Variants in SV2C observed in about 807,000 individuals in gnomAD.
SV2C encodes the protein solute carrier family 22 member B3.
Under a neutral mutation model 79.7 loss-of-function variants are expected in SV2C, and 49 were observed. The ratio of observed to expected loss-of-function variants is 0.61; its 90% CI spans 0.49 to 0.78. The LOEUF is 0.78. SV2C is among the 30% of genes least tolerant of loss of function. SV2C has a pLI of 0.00. For missense variants in SV2C, 833 were observed against 912.9 expected, an observed-to-expected ratio of 0.91 and a Z score of 1.13; for synonymous variants, 334 against 333.2, an observed-to-expected ratio of 1.00 and a Z score of -0.03.
At chr5:76,350,094 T>C (rs1161499996) in intron 12 of SV2C, among the ~76,000 whole-genome samples, 1 of 152,218 alleles carries the variant, frequency 6.6e-6, no homozygotes, top group Non-Finnish European at 1.5e-5. Flanking sequence ...TGAGCTATTT[T>C]GTGCACTGTA....
chr5:76,159,655 C>T (rs1354640157), intron 2 of SV2C, among the ~76,000 whole-genome samples: 1 of 152,100 alleles, frequency 6.6e-6, no homozygotes, highest in Non-Finnish European at 1.5e-5. Context: ...CCAGGGTCTG[C>T]CTCCATCATC....
At chr5:76,217,188 C>T (rs997277667) in intron 4 of SV2C, among the ~76,000 whole-genome samples, 2 of 152,156 alleles carry the variant, frequency 1.3e-5, no homozygotes, top group Non-Finnish European at 2.9e-5. Flanking sequence ...CTCCCATAAA[C>T]GTCAGACTTA....
At chr5:76,301,586 C>T (rs1464867028) in intron 12 of SV2C, 41 bp downstream of exon 12, 2 of 1,575,472 alleles carry the variant, frequency 1.3e-6, no homozygotes, top group Admixed American at 1.8e-5. Flanking sequence ...ACTCTAAGCC[C>T]TGTGAGACCA....
At chr5:75,882,800 AC>A in the SV2C span, among the ~76,000 whole-genome samples, 1 of 149,076 alleles carries the variant, frequency 6.7e-6, no homozygotes, top group African/African-American at 2.6e-5. Flanking sequence ...AAAAAAAAAA[AC>A]TCCAAAAGCA....
chr5:76,264,399 G>C (rs934993077), intron 4 of SV2C, among the ~76,000 whole-genome samples: 5 of 152,020 alleles, frequency 3.3e-5, no homozygotes, highest in Admixed American at 2.6e-4. Context: ...GCTCAGAGGA[G>C]TTTGTTATTA....
At chr5:76,086,125 C>T (rs1309518451) in intron 1 of SV2C, among the ~76,000 whole-genome samples, 1 of 152,186 alleles carries the variant, frequency 6.6e-6, no homozygotes, top group Non-Finnish European at 1.5e-5. Context: ...GAGCAGCAGA[C>T]TGGCCTAACA....
the SV2C span, among the ~76,000 whole-genome samples, chr5:75,913,669 G>C: frequency 6.6e-6 from 1 of 152,218 alleles, no homozygotes; most frequent in Non-Finnish European, 1.5e-5. Context: ...TTGGCTCCCA[G>C]AGTGCAGGTT....
the SV2C span, among the ~76,000 whole-genome samples, chr5:76,035,917 A>C: frequency 5.3e-5 from 8 of 151,948 alleles, no homozygotes; most frequent in Non-Finnish European, 1.0e-4. Flanking sequence ...TTGCTTTATG[A>C]ATCTGGGTGC....
intron 1 of SV2C, among the ~76,000 whole-genome samples, chr5:76,093,769 C>G (rs895846183): frequency 1.3e-5 from 2 of 151,534 alleles, no homozygotes; most frequent in Non-Finnish European, 2.9e-5. Flanking sequence ...TATCACAAGG[C>G]CAAGAAACTC....
chr5:76,337,533 C>T (rs1334997301), downstream of SV2C, among the ~76,000 whole-genome samples: 1 of 152,126 alleles, frequency 6.6e-6, no homozygotes, highest in African/African-American at 2.4e-5. Context: ...TGTATGTATA[C>T]TGTATACTGT....
At chr5:76,002,213 G>T in the SV2C span, among the ~76,000 whole-genome samples, 1 of 151,864 alleles carries the variant, frequency 6.6e-6, no homozygotes, top group Admixed American at 6.6e-5. Context: ...TGCATTCGTT[G>T]GTTGACGGGC....
chr5:75,993,354 C>T, the SV2C span, among the ~76,000 whole-genome samples: 11 of 152,030 alleles, frequency 7.2e-5, no homozygotes, highest in African/African-American at 2.2e-4. Flanking sequence ...TATGATCTCA[C>T]GCTACTATGC....
the SV2C span, among the ~76,000 whole-genome samples, chr5:75,954,660 A>C: frequency 6.7e-6 from 1 of 150,250 alleles, no homozygotes; most frequent in Non-Finnish European, 1.5e-5. Context: ...GTCTCAGCCC[A>C]AAATCTCCTT....
the SV2C span, among the ~76,000 whole-genome samples, chr5:75,984,594 T>TCTATCTAC: frequency 2.4e-5 from 2 of 81,802 alleles, no homozygotes; most frequent in Non-Finnish European, 8.0e-5. Context: ...TATCTATCTA[T>TCTATCTAC]CTACCTATCT....
chr5:76,239,622 G>C (rs1745719843), intron 4 of SV2C, among the ~76,000 whole-genome samples: 2 of 152,162 alleles, frequency 1.3e-5, no homozygotes, highest in South Asian at 4.1e-4. Flanking sequence ...GTTGGTCCTG[G>C]CAAGTTGGTT....
the SV2C span, among the ~76,000 whole-genome samples, chr5:75,980,387 C>G: frequency 6.6e-6 from 1 of 152,066 alleles, no homozygotes; most frequent in Non-Finnish European, 1.5e-5. Context: ...GTCCTGATAC[C>G]AAAACCTGGC....
intron 6 of SV2C, chr5:76,286,716 T>C (rs1747369233): frequency 6.6e-6 from 1 of 152,178 alleles, no homozygotes; most frequent in African/African-American, 2.4e-5. Context: ...CAGTTCAGCA[T>C]GGCTGGAGAG....
chr5:76,231,309 CAT>C (rs1281408618), intron 4 of SV2C, among the ~76,000 whole-genome samples: 4 of 152,146 alleles, frequency 2.6e-5, no homozygotes, highest in African/African-American at 7.2e-5. Flanking sequence ...ACAATGTAAA[CAT>C]ATGTTACAAT....
chr5:76,337,839 C>A (rs1417557461), downstream of SV2C, among the ~76,000 whole-genome samples: 5 of 151,728 alleles, frequency 3.3e-5, no homozygotes, highest in African/African-American at 7.3e-5. Flanking sequence ...TCTCTCTGCA[C>A]AGTAATTTAA....
Sources: allele counts gnomAD v4.1 joint callset (sites outside exome capture counted in the v4.1 genomes callset), GRCh38; gene constraint gnomAD v4.1.1; transcripts MANE v1.5; gene names NCBI Gene and HGNC (gene_info 2026-07-23, HGNC 2026-07-21).